PHIP: variants seen among roughly 807,000 people sequenced by gnomAD.
PHIP encodes the protein PHIP subunit of CUL4-Ring ligase complex.
PHIP carries 54 observed loss-of-function variants against 236.8 expected under a neutral mutation model. The ratio of observed to expected loss-of-function variants is 0.23; its 90% CI spans 0.18 to 0.29. The LOEUF is 0.29. PHIP is among the 10% of genes least tolerant of loss of function. The pLI is 1.00. For missense variants in PHIP, 1,370 were observed against 2,190.8 expected (o/e 0.63, Z 7.48); for synonymous variants, 756 against 718.9 (o/e 1.05, Z -0.83).
rs188587036 is a variant in PHIP, at chr6:79,049,489, T to A, written c.440-6486A>T. 4.2e-3 allele frequency among the ~76,000 whole-genome samples: 639 copies of A among 152,316 alleles called. 4 individuals are homozygous for A. Among genetic ancestry groups the A allele is most frequent in the Non-Finnish European group, 5.1e-3 (345 of 68,032 alleles). On this transcript the variant is annotated intron_variant, in intron 6 of 39. Transcript: ENST00000275034. ...AACAACTACAGAAATGATTCCTAAA[T>A]TAAAATATAAAAGGGAGTAACTTCT...
chr6:79,060,959 T>G, intron 4 of PHIP, 141 bp from the exon 5 acceptor site: 1 of 535,832 alleles, frequency 1.9e-6, no homozygotes, highest in Non-Finnish European at 3.2e-6. Flanking sequence ...CCAGAATAAT[T>G]AAGAATTAAG....
intron 15 of PHIP, among the ~76,000 whole-genome samples, chr6:79,014,258 T>C (rs1266540110): frequency 6.6e-6 from 1 of 151,764 alleles, no homozygotes; most frequent in African/African-American, 2.4e-5. Context: ...CACAACTGTT[T>C]TGTGAAATAA....
intron 27 of PHIP, 67 bp from the exon 28 acceptor site, chr6:78,966,123 C>A: frequency 2.0e-6 from 2 of 989,186 alleles, no homozygotes; most frequent in Non-Finnish European, 3.3e-6. Flanking sequence ...TTTTTCCTAA[C>A]GTTAACCTTT....
Position 79,060,746 on chromosome 6 carries a change from G to C in PHIP, c.262C>G (p.Gln88Glu). 6.2e-7 allele frequency: 1 copy of C among 1,612,758 alleles called. No individual in the cohort carries two copies. The highest frequency in any genetic ancestry group is 2.2e-5 in the East Asian group (1 of 44,846). Residue 88 changes from glutamine (Q) to glutamate (E), a missense_variant, in exon 5 of 40, where the codon CAA becomes GAA. By Grantham distance (29) the Gln-to-Glu change is conservative. This residue lies in a region of PHIP where 82 missense variants were observed against 203.2 expected (regional missense o/e 0.40). Transcript: ENST00000275034. ...ICHRLGPLLE[Q>E]EIPQSVPGVQ... ...CCAGGAACACTTTGAGGAATTTCTTGTTCAAGAAGAGGTCCTAGTCGATGA... is the reference window on the plus strand; with the variant it reads ...CCAGGAACACTTTGAGGAATTTCTTCTTCAAGAAGAGGTCCTAGTCGATGA...
intron 19 of PHIP, among the ~76,000 whole-genome samples, chr6:78,995,966 T>C (rs1017788097): frequency 5.9e-5 from 9 of 152,194 alleles, no homozygotes; most frequent in Non-Finnish European, 1.0e-4. Context: ...GCCACAGTCT[T>C]GCTTGACCAT....
chr6:79,064,340 C>T lies in PHIP; in HGVS notation c.190-3522G>A, dbSNP rs550394322. Among the ~76,000 whole-genome samples the T allele has an allele frequency of 2.0e-5, 3 of 152,234 alleles. No homozygotes were observed. The South Asian group carries it at 6.2e-4, about 32-fold the overall frequency. On this transcript the variant is annotated intron_variant, in intron 4 of 39. Transcript: ENST00000275034. ...CCTGCCTAACTGCTATTATCCAACA[C>T]CTCCCCACCCAAATATCCTGGCTAC...
intron 23 of PHIP, 26 bp downstream of exon 23, chr6:78,982,860 C>G (rs555040045): frequency 7.1e-7 from 1 of 1,415,918 alleles, no homozygotes; most frequent in Non-Finnish European, 9.6e-7. Flanking sequence ...TAGAAAACAC[C>G]AAATTTGTAA....
intron 36 of PHIP, among the ~76,000 whole-genome samples, chr6:78,947,385 T>G (rs1018549904): frequency 6.6e-6 from 1 of 152,298 alleles, no homozygotes; most frequent in Middle Eastern, 3.4e-3. Context: ...CCAGGACAAT[T>G]TGCATCAACC....
intron 15 of PHIP, among the ~76,000 whole-genome samples, chr6:79,014,045 T>G (rs1770718195): frequency 6.6e-6 from 1 of 151,342 alleles, no homozygotes; most frequent in Admixed American, 6.6e-5. Context: ...TAATTAACAC[T>G]GTTTTCTAGA....
At chr6:78,969,713 T>C (rs947352355) in intron 27 of PHIP, 122 bp downstream of exon 27, 4 of 532,486 alleles carry the variant, frequency 7.5e-6, no homozygotes, top group African/African-American at 3.9e-5. Context: ...GCTATTAACA[T>C]TCCTACAAAT....
intron 20 of PHIP, among the ~76,000 whole-genome samples, chr6:78,990,334 T>A (rs1033248862): frequency 6.6e-6 from 1 of 152,196 alleles, no homozygotes; most frequent in African/African-American, 2.4e-5. Flanking sequence ...TCTCTCTCAA[T>A]TAGGCCATGA....
chr6:79,030,020 C>T (rs1189629334), intron 7 of PHIP, among the ~76,000 whole-genome samples: 1 of 151,838 alleles, frequency 6.6e-6, no homozygotes, highest in Non-Finnish European at 1.5e-5. Context: ...AATGTTAAAA[C>T]CAAGTTATGG....
Position 78,940,826 on chromosome 6 carries a change from T to C in PHIP, c.5333A>G (p.Tyr1778Cys), listed in dbSNP as rs1388203673. The C allele has an allele frequency of 3.1e-6, 5 of 1,614,042 alleles. No individual in the cohort carries two copies. The highest frequency in any genetic ancestry group is 3.4e-6 in the Non-Finnish European group (4 of 1,179,952). ...CTCCTCTTCAGAGTCATCCTCATTA[T>C]AGAAAGCTGTCCTTCGACCTTGATT... ...TRNQGRRTAF[Y>C]NEDDSEEEQR... The change falls in exon 40 of 40, where the codon TAT becomes TGT. Residue 1778 changes from tyrosine (Y) to cysteine (C), a missense_variant. By Grantham distance (194) the Tyr-to-Cys change is radical (BLOSUM62 -2). Coordinates refer to ENST00000275034, the MANE Select transcript of PHIP (RefSeq NM_017934.7).
chr6:79,010,956 T>C (rs1435514081), intron 15 of PHIP, among the ~76,000 whole-genome samples: 1 of 151,942 alleles, frequency 6.6e-6, no homozygotes, highest in African/African-American at 2.4e-5. Context: ...ATAATTAACT[T>C]CTAAACCTGG....
intron 6 of PHIP, among the ~76,000 whole-genome samples, chr6:79,045,833 A>C (rs1772457562): frequency 6.6e-6 from 1 of 152,194 alleles, no homozygotes; most frequent in Non-Finnish European, 1.5e-5. Context: ...CTTTCATTTA[A>C]AAGTACATTT....
intron 19 of PHIP, among the ~76,000 whole-genome samples, chr6:78,993,847 CTT>C (rs996331910): frequency 6.6e-6 from 1 of 152,166 alleles, no homozygotes; most frequent in Non-Finnish European, 1.5e-5. Flanking sequence ...ATTTTCAAGT[CTT>C]TTTATTTAAG....
intron 30 of PHIP, 99 bp from the exon 31 acceptor site, chr6:78,961,909 A>G: frequency 1.2e-6 from 1 of 865,008 alleles, no homozygotes; most frequent in Non-Finnish European, 1.8e-6. Flanking sequence ...CCTAATCTAC[A>G]TAATCATTAG....
chr6:79,072,640 C>A (rs563676931), intron 4 of PHIP, among the ~76,000 whole-genome samples: 1 of 152,102 alleles, frequency 6.6e-6, no homozygotes, highest in South Asian at 2.1e-4. Flanking sequence ...TGCGCCACTA[C>A]ACCTGGCTAA....
chr6:78,966,723 G>A (rs1562131879), intron 27 of PHIP, among the ~76,000 whole-genome samples: 2 of 152,116 alleles, frequency 1.3e-5, no homozygotes, highest in Non-Finnish European at 2.9e-5. Flanking sequence ...AAATGCTATG[G>A]CTTTTTCTTA....
Sources: gnomAD v4.1 joint callset for allele counts (sites outside exome capture counted in the v4.1 genomes callset) on GRCh38, gnomAD v4.1.1 for gene constraint, gnomAD v4.1.1 regional missense constraint, MANE v1.5 for transcripts, NCBI Gene and HGNC (gene_info 2026-07-23, HGNC 2026-07-21) for gene names.